The following SLC6A16 variants were observed in gnomAD, a reference collection of about 807,000 sequenced individuals.
SLC6A16 encodes the protein solute carrier family 6 member 16.
Under a neutral mutation model 65.4 loss-of-function variants are expected in SLC6A16, and 54 were observed. The observed-to-expected ratio is 0.83, with a 90% CI of 0.66 to 1.04. The LOEUF is 1.04. SLC6A16 is among the 50% of genes least tolerant of loss of function. The pLI is 0.00. For missense variants in SLC6A16, 816 were observed against 914.0 expected, an observed-to-expected ratio of 0.89 and a Z score of 1.38; for synonymous variants, 330 against 346.5, an observed-to-expected ratio of 0.95 and a Z score of 0.53.
chr19:49,291,574 C>T (rs1377115645), intron 10 of SLC6A16, among the ~76,000 whole-genome samples: 3 of 152,128 alleles, frequency 2.0e-5, no homozygotes, highest in South Asian at 2.1e-4. Flanking sequence ...CCAAGAACCA[C>T]TATCAGATGA....
In SLC6A16 at chr19:49,319,826, C is replaced by CT. The variant is rs148086007; in HGVS notation, c.-65+5221dup. Among the ~76,000 whole-genome samples the CT allele has an allele frequency of 4.3e-3, 655 of 152,098 alleles. 5 individuals carry two copies. The highest frequency in any genetic ancestry group is 0.015 in the African/African-American group (621 of 41,496). On this transcript the variant is annotated intron_variant, in intron 1 of 11. Coordinates refer to ENST00000335875, the MANE Select transcript of SLC6A16 (RefSeq NM_014037.3). The stretch of plus-strand genomic sequence containing the variant: ...CACAAATTTGTAGGCCACAAATTTC[C>CT]TTTTTTTCTCAATAGAATTAGAATG...
chr19:49,339,667 A>C, the SLC6A16 span: 5 of 1,427,918 alleles, frequency 3.5e-6, no homozygotes, highest in Admixed American at 1.2e-4. The surrounding 1 kb of genome is among the most constrained non-coding windows in gnomAD (Gnocchi z 4.5). Context: ...GATGACTGTC[A>C]TGGTGCTGAG....
At chr19:49,340,243 C>T in the SLC6A16 span, 33 of 1,607,482 alleles carry the variant, frequency 2.1e-5, no homozygotes, top group South Asian at 3.6e-4. Context: ...CATCTCCTTT[C>T]TCTATAGCTC....
At chr19:49,303,495 G>C (rs959805186) in intron 7 of SLC6A16, among the ~76,000 whole-genome samples, 12 of 151,938 alleles carry the variant, frequency 7.9e-5, no homozygotes, top group African/African-American at 2.7e-4. Context: ...TCTCTACTAA[G>C]AATACAAAAA....
chr19:49,323,469 G>C (rs1190325792), intron 1 of SLC6A16, among the ~76,000 whole-genome samples: 1 of 152,104 alleles, frequency 6.6e-6, no homozygotes, highest in East Asian at 1.9e-4. Context: ...TGTATAATAA[G>C]AGATTAATAT....
the SLC6A16 span, chr19:49,337,920 C>G: frequency 6.2e-7 from 1 of 1,614,050 alleles, no homozygotes; most frequent in Non-Finnish European, 8.5e-7. Context: ...CTGGTGGCCT[C>G]TCAGCTGGAG....
intron 1 of SLC6A16, among the ~76,000 whole-genome samples, chr19:49,323,962 C>T (rs764637330): frequency 1.3e-5 from 2 of 152,078 alleles, no homozygotes; most frequent in African/African-American, 2.4e-5. Flanking sequence ...CCCAGAAGTT[C>T]GAGGCTGTAG....
At chr19:49,339,912 G>A in the SLC6A16 span, 1 of 1,359,394 alleles carries the variant, frequency 7.4e-7, no homozygotes, top group Non-Finnish European at 9.5e-7. The surrounding 1 kb of genome is among the most constrained non-coding windows in gnomAD (Gnocchi z 4.5). Flanking sequence ...ACGAGGACCA[G>A]CCTGACACTG....
intron 1 of SLC6A16, among the ~76,000 whole-genome samples, chr19:49,315,833 CT>C (rs1341483506): frequency 6.6e-6 from 1 of 151,968 alleles, no homozygotes; most frequent in Non-Finnish European, 1.5e-5. Context: ...TGAACATATG[CT>C]TAAACATAGG....
At chr19:49,338,832 G>C in the SLC6A16 span, 3 of 1,614,020 alleles carry the variant, frequency 1.9e-6, no homozygotes, top group African/African-American at 1.3e-5. The surrounding 1 kb of genome is among the most constrained non-coding windows in gnomAD (Gnocchi z 5.0). Context: ...CACAATCCTA[G>C]ATAAGGTGAT....
the SLC6A16 span, chr19:49,336,837 T>G: frequency 3.8e-6 from 6 of 1,565,608 alleles, no homozygotes; most frequent in Non-Finnish European, 5.2e-6. Flanking sequence ...CTTGGGTGGC[T>G]GCCTAGGTGG....
intron 1 of SLC6A16, among the ~76,000 whole-genome samples, chr19:49,322,780 T>G (rs573441718): frequency 7.4e-6 from 1 of 135,276 alleles, no homozygotes; most frequent in South Asian, 2.5e-4. Context: ...ACTGTTAAGA[T>G]GTCAGTATTA....
At chr19:49,339,784 C>T in the SLC6A16 span, 2 of 1,364,106 alleles carry the variant, frequency 1.5e-6, no homozygotes, top group Admixed American at 3.3e-5. The surrounding 1 kb of genome is among the most constrained non-coding windows in gnomAD (Gnocchi z 4.5). Flanking sequence ...CGGCGGCGGG[C>T]ACAGCGGCAG....
chr19:49,310,231 C>G, intron 3 of SLC6A16, 65 bp from the exon 4 acceptor site: 2 of 1,606,984 alleles, frequency 1.2e-6, no homozygotes, highest in East Asian at 2.2e-5. Flanking sequence ...GGGGATTTGA[C>G]AGAGGATTGG....
chr19:49,293,735 G>T, intron 9 of SLC6A16, 92 bp downstream of exon 9: 1 of 1,150,190 alleles, frequency 8.7e-7, no homozygotes, highest in Non-Finnish European at 1.3e-6. Context: ...CTGCACTCCA[G>T]CCTGGGCTAC....
At chr19:49,338,728 A>G in the SLC6A16 span, 1 of 1,612,702 alleles carries the variant, frequency 6.2e-7, no homozygotes, top group African/African-American at 1.3e-5. The surrounding 1 kb of genome is among the most constrained non-coding windows in gnomAD (Gnocchi z 5.0). Context: ...CACTACCCGC[A>G]GGACTGGTTC....
chr19:49,326,756 C>T (rs1465614594), upstream of SLC6A16, among the ~76,000 whole-genome samples: 4 of 152,148 alleles, frequency 2.6e-5, no homozygotes, highest in East Asian at 1.9e-4. Flanking sequence ...TGGTGGCTCA[C>T]GCCTGTAATC....
At chr19:49,320,975 A>T (rs192768538) in intron 1 of SLC6A16, among the ~76,000 whole-genome samples, 5 of 152,296 alleles carry the variant, frequency 3.3e-5, no homozygotes, top group African/African-American at 7.2e-5. Flanking sequence ...TTTTCCAAAA[A>T]ATTGGAGAGG....
chr19:49,293,443 G>A, intron 9 of SLC6A16, 61 bp from the exon 10 acceptor site: 1 of 1,546,506 alleles, frequency 6.5e-7, no homozygotes, highest in Non-Finnish European at 8.9e-7. Flanking sequence ...CAAGGGCTAA[G>A]TAGAGGCCAT....
Sources: gnomAD v4.1 joint callset for allele counts (sites outside exome capture counted in the v4.1 genomes callset) on GRCh38, gnomAD v4.1.1 for gene constraint, Gnocchi (gnomAD v3.1) non-coding constraint, MANE v1.5 for transcripts, NCBI Gene and HGNC (gene_info 2026-07-23, HGNC 2026-07-21) for gene names.